PCDH7: variants seen among roughly 807,000 people sequenced by gnomAD.
PCDH7 encodes the protein protocadherin-7.
Under a neutral mutation model 58.9 loss-of-function variants are expected in PCDH7, and 17 were observed. That is an observed-to-expected ratio of 0.29 (90% CI 0.20 to 0.43). PCDH7 has a LOEUF of 0.43. Among genes scored for constraint, PCDH7 ranks in the 20% least tolerant of loss-of-function variants. The pLI is 1.00. For missense variants in PCDH7, 1,274 were observed against 1,441.0 expected (o/e 0.88, Z 1.88); for synonymous variants, 664 against 616.4 (o/e 1.08, Z -1.14).
At position 30,803,441 on chromosome 4, in the gene PCDH7, A is replaced by AT. The variant is rs138812704; in HGVS notation, c.70+78855dup. On this transcript the variant is annotated intron_variant, in intron 1 of 3. Transcript: ENST00000509759. ...ACCAGCTGCCAAGTTATTCAAGTGC[A>AT]TTTTTTTTTTCTTAGAGACAGGGTC... Among the ~76,000 whole-genome samples, 96 of 150,064 alleles carry AT rather than the reference A, an allele frequency of 6.4e-4. 2 individuals carry two copies. The Middle Eastern group carries it at 0.01, about 16-fold the overall frequency.
chr4:30,949,258 CAT>C (rs1747082970), intron 2 of PCDH7, among the ~76,000 whole-genome samples: 1 of 152,022 alleles, frequency 6.6e-6, no homozygotes, highest in African/African-American at 2.4e-5. Flanking sequence ...TTAAGAGAAA[CAT>C]TTTTTATATA....
intron 3 of PCDH7, among the ~76,000 whole-genome samples, chr4:31,071,643 C>G (rs917514931): frequency 4.6e-5 from 7 of 151,954 alleles, no homozygotes; most frequent in African/African-American, 1.7e-4. Context: ...AGAGAAAGCT[C>G]AATTCATTGC....
chr4:30,998,078 G>T (rs899992882), intron 3 of PCDH7, among the ~76,000 whole-genome samples: 5 of 152,116 alleles, frequency 3.3e-5, no homozygotes, highest in Admixed American at 6.5e-5. Flanking sequence ...ATTTCACAAA[G>T]AATATGACTT....
intron 3 of PCDH7, among the ~76,000 whole-genome samples, chr4:31,008,309 T>C (rs1752935887): frequency 6.6e-6 from 1 of 152,148 alleles, no homozygotes. Flanking sequence ...GATTATAGCT[T>C]TTGGGGAAAA....
At chr4:31,098,332 T>C (rs547380053) in intron 3 of PCDH7, among the ~76,000 whole-genome samples, 3 of 152,356 alleles carry the variant, frequency 2.0e-5, no homozygotes, top group Non-Finnish European at 4.4e-5. Flanking sequence ...AGTCAGTGTT[T>C]AGAAAACATC....
At chr4:30,731,851 G>A (rs1462081962) in exon 2 of PCDH7, 1 of 151,992 alleles carries the variant, frequency 6.6e-6, no homozygotes. Context: ...TATGTCGTAT[G>A]TGTTTATGAG....
At chr4:30,741,556 C>A (rs1402624931) in intron 1 of PCDH7, among the ~76,000 whole-genome samples, 1 of 152,096 alleles carries the variant, frequency 6.6e-6, no homozygotes, top group Non-Finnish European at 1.5e-5. Context: ...ATAAAGTATG[C>A]TAAAATTGTA....
rs74959275 is a variant in PCDH7 at position 31,090,470 on chromosome 4, T to A, written c.*8-52003T>A. Among the ~76,000 whole-genome samples, 710 of 152,188 alleles carry A rather than the reference T, an allele frequency of 4.7e-3. 5 individuals are homozygous for A. Among genetic ancestry groups the A allele is most frequent in the African/African-American group, 0.016 (666 of 41,552 alleles). ...AAAATGTTCAAATAAATTATTTGAC[T>A]ATAGTCACCCTGTTGTGCTAGCAAA... On this transcript the variant is annotated intron_variant, in intron 3 of 3. Coordinates refer to the PCDH7 transcript ENST00000509759.
chr4:30,994,546 C>T (rs560183440), intron 3 of PCDH7, among the ~76,000 whole-genome samples: 8 of 152,216 alleles, frequency 5.3e-5, no homozygotes, highest in Admixed American at 3.9e-4. Context: ...ATTTGAAAAT[C>T]AGCTTTCTAA....
At chr4:30,920,330 C>T (rs1257302411) in exon 2 of PCDH7, 1 of 1,367,416 alleles carries the variant, frequency 7.3e-7, no homozygotes, top group African/African-American at 1.5e-5. Context: ...AAGGACCACG[C>T]CGGATGGCAG....
intron 1 of PCDH7, among the ~76,000 whole-genome samples, chr4:30,850,083 A>G (rs1732522640): frequency 1.3e-5 from 2 of 152,062 alleles, no homozygotes; most frequent in Non-Finnish European, 2.9e-5. Context: ...GTAGCTCAAA[A>G]CTGTCTCTCT....
intron 3 of PCDH7, among the ~76,000 whole-genome samples, chr4:30,973,938 A>C (rs2109476305): frequency 6.6e-6 from 1 of 152,132 alleles, no homozygotes; most frequent in Admixed American, 6.5e-5. Context: ...TAGAAAAACT[A>C]AACTTTAAAA....
At chr4:31,055,567 G>GT (rs531705257) in intron 3 of PCDH7, among the ~76,000 whole-genome samples, 19 of 151,804 alleles carry the variant, frequency 1.3e-4, no homozygotes, top group Non-Finnish European at 2.8e-4. Flanking sequence ...TAAAGGCTTT[G>GT]TTTTTTTATT....
chr4:31,047,886 C>T (rs1052191546), intron 3 of PCDH7, among the ~76,000 whole-genome samples: 3 of 151,946 alleles, frequency 2.0e-5, no homozygotes, highest in African/African-American at 7.2e-5. Flanking sequence ...GATAGGAGGT[C>T]TGTTTGGTTT....
intron 1 of PCDH7, among the ~76,000 whole-genome samples, chr4:30,810,240 C>G (rs1415770148): frequency 6.6e-6 from 1 of 152,062 alleles, no homozygotes; most frequent in Non-Finnish European, 1.5e-5. Context: ...ACTGAGACAT[C>G]TTGTAACATA....
At chr4:30,968,391 T>TATATATAC (rs1247625134) in intron 3 of PCDH7, among the ~76,000 whole-genome samples, 11 of 82,570 alleles carry the variant, frequency 1.3e-4, no homozygotes, top group Non-Finnish European at 2.2e-4. Context: ...TATATATATA[T>TATATATAC]ATATATATAT....
At chr4:30,834,670 A>G (rs1028165072) in intron 1 of PCDH7, among the ~76,000 whole-genome samples, 1 of 152,142 alleles carries the variant, frequency 6.6e-6, no homozygotes, top group Non-Finnish European at 1.5e-5. Context: ...AAAGTAAAAA[A>G]AAAAAAAACC....
rs1435786776 is a variant in PCDH7 at position 31,001,632 on chromosome 4, ATTGATT to A, written c.*7+51419_*7+51424del. On this transcript the variant is annotated intron_variant, in intron 3 of 3. Transcript: ENST00000509759. ...ACGGTTGACACACTCATTTATAAGCATTGATTTATATTTTAAAAAGAAGTTAAAAAA... is the reference window on the plus strand; with the variant it reads ...ACGGTTGACACACTCATTTATAAGCATATATTTTAAAAAGAAGTTAAAAAA... Among the ~76,000 whole-genome samples the A allele has an allele frequency of 3.9e-5, 6 of 152,306 alleles. No individual in the cohort carries two copies. The East Asian group carries it at 1.2e-3, about 29-fold the overall frequency.
At chr4:30,868,872 A>C (rs567707099) in intron 1 of PCDH7, 2 of 152,266 alleles carry the variant, frequency 1.3e-5, no homozygotes, top group Admixed American at 6.6e-5. Flanking sequence ...GGTGACTTCC[A>C]TGCAAATATT....
Sources: gnomAD v4.1 joint callset for allele counts (sites outside exome capture counted in the v4.1 genomes callset) on GRCh38, gnomAD v4.1.1 for gene constraint, MANE v1.5 for transcripts, NCBI Gene and HGNC (gene_info 2026-07-23, HGNC 2026-07-21) for gene names.